Variants in TMEM164 observed in about 807,000 individuals in gnomAD.
TMEM164 encodes RP13-360B22.2.
A neutral mutation model predicts 18.8 loss-of-function variants in TMEM164; 4 were observed. The observed-to-expected ratio is 0.21, with a 90% CI of 0.10 to 0.49. The LOEUF (loss-of-function observed/expected upper bound fraction) is 0.49. Ranked by LOEUF, TMEM164 falls within the 20% of genes least tolerant of loss-of-function variation. TMEM164 has a pLI of 0.98. For synonymous variants in TMEM164, 86 were observed against 101.7 expected (o/e 0.85, Z 0.93); for missense variants, 108 against 239.9 (o/e 0.45, Z 3.63).
intron 5 of TMEM164, among the ~76,000 whole-genome samples, chrX:110,157,516 C>T (rs766197153): frequency 1.8e-5 from 2 of 111,404 alleles, no homozygotes; most frequent in East Asian, 5.7e-4. Context: ...TGTTCAAATG[C>T]TAAACTGAAG....
At chrX:110,007,613 CCA>C (rs1932790930) in intron 2 of TMEM164, among the ~76,000 whole-genome samples, 1 of 112,032 alleles carries the variant, frequency 8.9e-6, no homozygotes, top group African/African-American at 3.2e-5. Context: ...AACTGAGCTG[CCA>C]CAGTGGGAAT....
chrX:110,015,002 G>GA (rs1396439996), intron 2 of TMEM164, among the ~76,000 whole-genome samples: 4 of 111,039 alleles, frequency 3.6e-5, no homozygotes, highest in Middle Eastern at 4.6e-3. Context: ...CAAATGGACA[G>GA]AAAAAAACCA....
intron 3 of TMEM164, among the ~76,000 whole-genome samples, chrX:110,079,987 T>TA (rs201057758): frequency 0.01 from 1,137 of 110,895 alleles, 9 homozygotes; most frequent in African/African-American, 0.034. Flanking sequence ...TAATAATAAT[T>TA]AAAAAAAATG....
At chrX:110,098,635 G>A (rs925869252) in intron 3 of TMEM164, among the ~76,000 whole-genome samples, 2 of 111,199 alleles carry the variant, frequency 1.8e-5, no homozygotes, top group African/African-American at 6.5e-5. Context: ...TGTTATTATA[G>A]CAATTCAGAT....
chrX:110,105,681 C>CACACAG (rs1556006065), intron 3 of TMEM164, among the ~76,000 whole-genome samples: 1 of 63,176 alleles, frequency 1.6e-5, no homozygotes, highest in African/African-American at 5.8e-5. Context: ...GAAACACAGA[C>CACACAG]ACACACACAC....
chrX:110,154,894 A>C (rs1315386413), intron 5 of TMEM164, among the ~76,000 whole-genome samples: 1 of 111,786 alleles, frequency 8.9e-6, no homozygotes, highest in Non-Finnish European at 1.9e-5. Context: ...CTGTTTTCTC[A>C]CTTGCAAAAT....
intron 2 of TMEM164, among the ~76,000 whole-genome samples, chrX:110,006,939 T>C (rs1932759572): frequency 8.9e-6 from 1 of 112,351 alleles, no homozygotes; most frequent in African/African-American, 3.2e-5. Context: ...AAGGGATAGC[T>C]TAGCAGAGAC....
intron 3 of TMEM164, among the ~76,000 whole-genome samples, chrX:110,083,528 C>T (rs1310940220): frequency 9.0e-6 from 1 of 110,814 alleles, no homozygotes. Flanking sequence ...CTTAGCTAGT[C>T]TCAACCATTT....
chrX:110,084,528 C>G (rs1482458243), intron 3 of TMEM164, among the ~76,000 whole-genome samples: 1 of 94,060 alleles, frequency 1.1e-5, no homozygotes, highest in Non-Finnish European at 2.1e-5. Flanking sequence ...GTAATCCCAG[C>G]TACTCGAGAG....
Position 110,134,400 on chromosome X carries a change from A to G in TMEM164, c.508-10398A>G, listed in dbSNP as rs1275574982. On this transcript the variant is annotated intron_variant, in intron 4 of 6. Transcript: ENST00000372068. ...CTCTGTATCTACTAAAAATACACAC[A>G]CACACACAAAATAGCCAAGCACAGT... 2.7e-5 allele frequency among the ~76,000 whole-genome samples: 3 copies of G among 109,888 alleles called. No individual in the cohort carries two copies. In the East Asian group the frequency reaches 8.6e-4, roughly 31 times the overall value.
intron 3 of TMEM164, among the ~76,000 whole-genome samples, chrX:110,075,290 A>AT (rs1238140340): frequency 2.4e-4 from 27 of 111,546 alleles, no homozygotes; most frequent in African/African-American, 8.8e-4. Context: ...AATGCTACTG[A>AT]TTTTTTTATA....
chrX:110,152,445 A>AT (rs1569353233), intron 5 of TMEM164, among the ~76,000 whole-genome samples: 1 of 111,203 alleles, frequency 9.0e-6, no homozygotes, highest in East Asian at 2.8e-4. Flanking sequence ...GGTTATAAAA[A>AT]ATATATATCC....
intron 2 of TMEM164, among the ~76,000 whole-genome samples, chrX:110,012,045 C>T (rs955317711): frequency 9.0e-6 from 1 of 111,283 alleles, no homozygotes; most frequent in African/African-American, 3.3e-5. Flanking sequence ...CTGTGCTGTC[C>T]CAAGGAGGGC....
In TMEM164 at chrX:110,171,444, G is replaced by C; in HGVS notation, c.611G>C (p.Ser204Thr). ...KGGAYTPEPL[S>T]SFRWALLSTG... is the part of the protein sequence containing the mutation. Reference sequence around the variant, plus strand: ...GGTGCTTACACTCCAGAGCCCCTCAGCAGTTTCCGGTGGGCTCTTCTCTCA... The same window carrying C: ...GGTGCTTACACTCCAGAGCCCCTCACCAGTTTCCGGTGGGCTCTTCTCTCA... The change falls in exon 6 of 7, where the codon AGC becomes ACC. Residue 204 changes from serine (S) to threonine (T), a missense_variant. Ser to Thr is a moderately conservative substitution (Grantham distance 58). Coordinates refer to ENST00000372068, the MANE Select transcript of TMEM164 (RefSeq NM_032227.4). 1 of 1,209,765 alleles carries C rather than the reference G, an allele frequency of 8.3e-7. No homozygotes were observed.
chrX:110,093,327 TTTTG>T (rs1254001858), intron 3 of TMEM164, among the ~76,000 whole-genome samples: 1 of 111,995 alleles, frequency 8.9e-6, no homozygotes, highest in East Asian at 2.8e-4. Flanking sequence ...CCTGGACTTT[TTTTG>T]TTTGATAGGC....
At chrX:110,097,030 A>T (rs1353365379) in intron 3 of TMEM164, among the ~76,000 whole-genome samples, 1 of 112,005 alleles carries the variant, frequency 8.9e-6, no homozygotes, top group Non-Finnish European at 1.9e-5. Flanking sequence ...TTTCAGATGG[A>T]GTCTCACTTT....
intron 5 of TMEM164, among the ~76,000 whole-genome samples, chrX:110,160,154 C>T (rs954602692): frequency 5.3e-5 from 6 of 112,176 alleles, no homozygotes; most frequent in African/African-American, 1.9e-4. Flanking sequence ...GTTTTCATTT[C>T]GGCAGCAGTT....
chrX:110,115,485 A>C (rs1347721605), intron 4 of TMEM164, among the ~76,000 whole-genome samples: 3 of 111,712 alleles, frequency 2.7e-5, no homozygotes, highest in African/African-American at 9.8e-5. Context: ...GGGGGTATTG[A>C]GATGAGTTTG....
intron 3 of TMEM164, among the ~76,000 whole-genome samples, chrX:110,100,755 T>G (rs749754859): frequency 2.7e-5 from 3 of 110,096 alleles, no homozygotes; most frequent in South Asian, 3.9e-4. Context: ...TATTTTTTTT[T>G]TATTTTTATT....
Sources: allele counts gnomAD v4.1 joint callset (sites outside exome capture counted in the v4.1 genomes callset), GRCh38; gene constraint gnomAD v4.1.1; transcripts MANE v1.5; gene names NCBI Gene and HGNC (gene_info 2026-07-23, HGNC 2026-07-21).